The following VWA8 variants were observed in gnomAD, a reference collection of about 807,000 sequenced individuals.
The protein encoded by VWA8 is von Willebrand factor A domain-containing protein 8.
A neutral mutation model predicts 241.5 loss-of-function variants in VWA8; 221 were observed. The observed-to-expected ratio is 0.91, with a 90% CI of 0.82 to 1.02. The LOEUF is 1.02. Among genes scored for constraint, VWA8 ranks in the 50% least tolerant of loss-of-function variants. The pLI is 0.00. For synonymous variants in VWA8, 852 were observed against 827.1 expected, an observed-to-expected ratio of 1.03 and a Z score of -0.52; for missense variants, 2,322 against 2,328.7, an observed-to-expected ratio of 1.00 and a Z score of 0.06.
At chr13:41,685,604 AG>A (rs1302421945) in intron 34 of VWA8, among the ~76,000 whole-genome samples, 1 of 152,228 alleles carries the variant, frequency 6.6e-6, no homozygotes, top group Non-Finnish European at 1.5e-5. Flanking sequence ...GATGTGGTAC[AG>A]GAAGGAGGTA....
At chr13:41,593,013 G>A (rs890357082) in intron 40 of VWA8, among the ~76,000 whole-genome samples, 6 of 152,182 alleles carry the variant, frequency 3.9e-5, no homozygotes, top group Non-Finnish European at 8.8e-5. Flanking sequence ...TCCACTTTAA[G>A]TTAAGCATGC....
chr13:41,701,825 C>T lies in VWA8; in HGVS notation c.3226-295G>A, dbSNP rs561573688. Reference sequence around the variant, plus strand: ...CTCATTTCTTCATTCCTTCCTAAGGCGAGAGCCAGTTTTGAACTCCAAGTA... The same window carrying T: ...CTCATTTCTTCATTCCTTCCTAAGGTGAGAGCCAGTTTTGAACTCCAAGTA... On this transcript the variant is annotated intron_variant, in intron 27 of 44. Transcript: ENST00000379310. 7.2e-5 allele frequency among the ~76,000 whole-genome samples: 11 copies of T among 152,250 alleles called. No individual in the cohort carries two copies. The South Asian group carries it at 1.5e-3, about 20-fold the overall frequency.
chr13:41,587,879 T>C (rs2044429674), intron 41 of VWA8, among the ~76,000 whole-genome samples: 1 of 152,230 alleles, frequency 6.6e-6, no homozygotes, highest in South Asian at 2.1e-4. Context: ...GTGCTAATGG[T>C]TGGGGCCACA....
chr13:41,876,250 C>T (rs966924692), intron 9 of VWA8, among the ~76,000 whole-genome samples: 5 of 152,176 alleles, frequency 3.3e-5, no homozygotes, highest in Non-Finnish European at 7.4e-5. Flanking sequence ...ATCACTCATA[C>T]AACACATTCC....
At chr13:41,776,025 C>A (rs748924638) in intron 20 of VWA8, among the ~76,000 whole-genome samples, 5 of 152,072 alleles carry the variant, frequency 3.3e-5, no homozygotes, top group Non-Finnish European at 7.3e-5. Context: ...ACCCACCAAA[C>A]CCTCAGGATA....
At position 41,907,640 on chromosome 13, in the gene VWA8, A is replaced by G; in HGVS notation, c.429T>C (p.Thr143=). 6.2e-7 allele frequency: 1 copy of G among 1,614,176 alleles called. No homozygotes were observed. The highest frequency in any genetic ancestry group is 8.5e-7 in the Non-Finnish European group (1 of 1,180,012). ...YIALSRDTTE[T]DLKQRREIRA... ...GGATCTCTCGTCGCTGTTTGAGATC[A>G]GTTTCAGTGGTGTCCCTTGACAGGG... The change falls in exon 4 of 45, where the codon ACT becomes ACC. Residue 143 remains threonine (T), a synonymous_variant. Transcript: ENST00000379310.
At chr13:41,711,699 C>T (rs1414469858) in intron 26 of VWA8, among the ~76,000 whole-genome samples, 1 of 151,970 alleles carries the variant, frequency 6.6e-6, no homozygotes, top group Non-Finnish European at 1.5e-5. Flanking sequence ...ACGGTGAAAC[C>T]CCGTCTCTAC....
At position 41,778,621 on chromosome 13, in the gene VWA8, A is replaced by C. The variant is rs565819742; in HGVS notation, c.2278-565T>G. On this transcript the variant is annotated intron_variant, in intron 19 of 44. Transcript: ENST00000379310. ...ACATTGCTCTTTTGTATCTTGAAAA[A>C]TAAGACACCTGTAAGTAGGTCATGC... Among the ~76,000 whole-genome samples the C allele has an allele frequency of 3.7e-4, 57 of 152,200 alleles. 1 individual carries two copies. In the South Asian group the frequency reaches 0.012, roughly 32 times the overall value.
chr13:41,871,405 C>T (rs1593833024), intron 9 of VWA8, among the ~76,000 whole-genome samples: 1 of 152,188 alleles, frequency 6.6e-6, no homozygotes. Flanking sequence ...GCTGCACCCA[C>T]TAACTCGTCA....
intron 37 of VWA8, among the ~76,000 whole-genome samples, chr13:41,642,946 C>T (rs2044806766): frequency 6.6e-6 from 1 of 152,094 alleles, no homozygotes. Flanking sequence ...AAAGTCCAAA[C>T]TTTTGAATTT....
intron 19 of VWA8, among the ~76,000 whole-genome samples, chr13:41,781,863 C>T (rs1319678915): frequency 6.6e-6 from 1 of 152,164 alleles, no homozygotes; most frequent in Admixed American, 6.5e-5. Flanking sequence ...AAACATAGGG[C>T]TGTGCCTTAG....
At chr13:41,937,727 C>A (rs1051794253) in intron 2 of VWA8, among the ~76,000 whole-genome samples, 2 of 152,112 alleles carry the variant, frequency 1.3e-5, no homozygotes, top group Non-Finnish European at 2.9e-5. Flanking sequence ...ATGCATTTCT[C>A]AGAAGACAAC....
rs898254564 is a variant in VWA8 at position 41,574,163 on chromosome 13, A to T, written c.5370+1577T>A. Among the ~76,000 whole-genome samples, 3 of 143,638 alleles carry T rather than the reference A, an allele frequency of 2.1e-5. 1 individual carries two copies. Among genetic ancestry groups the T allele is most frequent in the African/African-American group, 8.0e-5 (3 of 37,336 alleles). The allele number at this position is 143,638 out of a possible 152,430, so 94.2% of individuals were successfully genotyped here. A position where few individuals can be genotyped will look rare whatever the true frequency, so the allele number is the denominator to read the frequency against. ...ACAAAACAAAAATCAACATTAAAGAAAAGTTTTCTGTAAAAAAAAAAAAAA... is the reference window on the plus strand; with the variant it reads ...ACAAAACAAAAATCAACATTAAAGATAAGTTTTCTGTAAAAAAAAAAAAAA... On this transcript the variant is annotated intron_variant, in intron 43 of 44. Transcript: ENST00000379310.
intron 2 of VWA8, among the ~76,000 whole-genome samples, chr13:41,934,394 T>C (rs1593881305): frequency 1.3e-5 from 2 of 152,046 alleles, no homozygotes; most frequent in Middle Eastern, 3.4e-3. Flanking sequence ...ACAACCACTG[T>C]GGAAAACAGA....
intron 42 of VWA8, among the ~76,000 whole-genome samples, chr13:41,579,093 G>A (rs539332952): frequency 8.5e-5 from 13 of 152,310 alleles, no homozygotes; most frequent in African/African-American, 2.6e-4. Flanking sequence ...AGATTTATGT[G>A]TAAATTTCTA....
chr13:41,677,120 T>G (rs2137804541), intron 35 of VWA8, among the ~76,000 whole-genome samples: 1 of 152,306 alleles, frequency 6.6e-6, no homozygotes, highest in Middle Eastern at 3.4e-3. Context: ...CATTTGGGGT[T>G]ATGGCATGGG....
rs1248561761 is a variant in VWA8, at chr13:41,615,143, G to A, written c.4612-59C>T. ...CTGTGACAAACACCAGGGACTGCAT[G>A]ACAGAAAAAAAAATTATTTTCTCCT... On this transcript the variant is annotated intron_variant, in intron 37 of 44. Transcript: ENST00000379310. The A allele has an allele frequency of 4.5e-6, 7 of 1,550,046 alleles. No individual in the cohort carries two copies. In the East Asian group the frequency reaches 1.4e-4, roughly 30 times the overall value.
intron 12 of VWA8, among the ~76,000 whole-genome samples, chr13:41,834,316 C>G (rs1421478487): frequency 6.6e-6 from 1 of 152,116 alleles, no homozygotes; most frequent in Non-Finnish European, 1.5e-5. Context: ...TTTCTATCAC[C>G]TTCAGATACA....
At chr13:41,802,696 T>C (rs932734412) in intron 17 of VWA8, among the ~76,000 whole-genome samples, 1 of 152,158 alleles carries the variant, frequency 6.6e-6, no homozygotes, top group Non-Finnish European at 1.5e-5. Flanking sequence ...AGTCCCCAAT[T>C]CCAGGACTTA....
Sources: gnomAD v4.1 joint callset for allele counts (sites outside exome capture counted in the v4.1 genomes callset) on GRCh38, gnomAD v4.1.1 for gene constraint, MANE v1.5 for transcripts, NCBI Gene and HGNC (gene_info 2026-07-23, HGNC 2026-07-21) for gene names.